The following SLCO3A1 variants were observed in gnomAD, a reference collection of about 807,000 sequenced individuals.
The protein encoded by SLCO3A1 is PGE1 transporter.
Under a neutral mutation model 63.1 loss-of-function variants are expected in SLCO3A1, and 27 were observed. The observed-to-expected ratio is 0.43, with a 90% CI of 0.32 to 0.59. The LOEUF (loss-of-function observed/expected upper bound fraction) is 0.59, where lower values mean the gene tolerates loss of function less well. Among genes scored for constraint, SLCO3A1 ranks in the 20% least tolerant of loss-of-function variants. The pLI, the probability that SLCO3A1 is intolerant of heterozygous loss-of-function variation, is 0.09. For missense variants in SLCO3A1, 773 were observed against 945.8 expected (o/e 0.82, Z 2.40); for synonymous variants, 473 against 409.9 (o/e 1.15, Z -1.86).
chr15:92,132,941 A>C (rs2048013902), intron 7 of SLCO3A1, among the ~76,000 whole-genome samples: 1 of 146,038 alleles, frequency 6.8e-6, no homozygotes, highest in South Asian at 2.2e-4. Context: ...ATTTTGGAGT[A>C]AGATCCATGC....
In SLCO3A1 at chr15:91,895,997, G is replaced by C. The variant is rs551885616; in HGVS notation, c.181-19996G>C. On this transcript the variant is annotated intron_variant, in intron 1 of 9. Coordinates refer to ENST00000318445, the MANE Select transcript of SLCO3A1 (RefSeq NM_013272.4). ...CCAGTAGGAAGCTATTCAGTTAAAA[G>C]CACTCAACCTGTTTGTCATTTTGCT... Among the ~76,000 whole-genome samples the C allele has an allele frequency of 5.9e-5, 9 of 152,278 alleles. No individual in the cohort carries two copies. The South Asian group carries it at 1.9e-3, about 32-fold the overall frequency.
intron 1 of SLCO3A1, among the ~76,000 whole-genome samples, chr15:91,867,560 T>C (rs1174814765): frequency 1.3e-5 from 2 of 152,122 alleles, no homozygotes. Flanking sequence ...GATGTATCAG[T>C]TCTGGATAAC....
chr15:91,928,889 T>G (rs1477346645), intron 2 of SLCO3A1, among the ~76,000 whole-genome samples: 1 of 152,214 alleles, frequency 6.6e-6, no homozygotes, highest in East Asian at 1.9e-4. Context: ...TGGTATACAT[T>G]CACTGCACTT....
chr15:92,125,984 C>T (rs1405177772), intron 5 of SLCO3A1, 77 bp from the exon 6 acceptor site: 1 of 1,293,464 alleles, frequency 7.7e-7, no homozygotes, highest in Non-Finnish European at 1.1e-6. Flanking sequence ...GACTCAGCCT[C>T]AGGCCTGCTG....
rs1476932294 is a variant in SLCO3A1 at position 91,954,094 on chromosome 15, G to A, written c.646+37636G>A. Among the ~76,000 whole-genome samples, 1 of 152,322 alleles carries A rather than the reference G, an allele frequency of 6.6e-6. No individual in the cohort carries two copies. The highest frequency in any genetic ancestry group is 1.9e-4 in the East Asian group (1 of 5,180). On this transcript the variant is annotated intron_variant, in intron 2 of 9. Coordinates refer to ENST00000318445, the MANE Select transcript of SLCO3A1 (RefSeq NM_013272.4). This position sits in a 1 kb window ranked among gnomAD's most constrained non-coding sequence, Gnocchi z 4.7. ...CATGGGCGATGTCTTCACAGAGCAT[G>A]TAGAAACCCCCACTCATGAGGGAAA...
chr15:92,114,739 A>G (rs1047443777), intron 4 of SLCO3A1, among the ~76,000 whole-genome samples: 6 of 152,022 alleles, frequency 3.9e-5, no homozygotes, highest in African/African-American at 1.5e-4. Context: ...GAAGCTCCTC[A>G]TGGCAACTCA....
At chr15:91,903,123 G>C (rs927161984) in intron 1 of SLCO3A1, among the ~76,000 whole-genome samples, 19 of 152,174 alleles carry the variant, frequency 1.2e-4, no homozygotes, top group African/African-American at 4.6e-4. Flanking sequence ...CACGTAGTCA[G>C]CTCATTGGAT....
At chr15:91,895,716 A>T (rs758038634) in intron 1 of SLCO3A1, among the ~76,000 whole-genome samples, 7 of 152,322 alleles carry the variant, frequency 4.6e-5, no homozygotes, top group Non-Finnish European at 8.8e-5. Flanking sequence ...CAGCCTAAAC[A>T]CTTAGGGTTA....
chr15:91,941,553 T>C lies in SLCO3A1; in HGVS notation c.646+25095T>C, dbSNP rs1285120599. On this transcript the variant is annotated intron_variant, in intron 2 of 9. Transcript: ENST00000318445. The surrounding 1 kb of genome is among the most constrained non-coding windows in gnomAD (Gnocchi z 4.4). ...GAGCCTCACTTTCTTGGCAATTAGA[T>C]GAACCAGAGGTTTATTTCACTCAGT... 2.2e-6 allele frequency: 1 copy of C among 455,910 alleles called. No homozygotes were observed. The highest frequency in any genetic ancestry group is 2.0e-5 in the African/African-American group (1 of 50,070). 28.2% of individuals were successfully genotyped at this position (455,910 alleles called of 1,614,324 possible). A position where few individuals can be genotyped will look rare whatever the true frequency, so the allele number is the denominator to read the frequency against.
intron 1 of SLCO3A1, among the ~76,000 whole-genome samples, chr15:91,915,694 G>C (rs1898631366): frequency 1.3e-5 from 2 of 152,122 alleles, no homozygotes; most frequent in African/African-American, 4.8e-5. Context: ...TGGGGGTGGG[G>C]AATGCAGTGT....
chr15:92,160,816 A>G (rs553336881), intron 9 of SLCO3A1, among the ~76,000 whole-genome samples: 37 of 152,286 alleles, frequency 2.4e-4, no homozygotes, highest in Admixed American at 1.2e-3. Flanking sequence ...TGCTTCCTTC[A>G]TTAAGCCTTC....
At position 91,916,276 on chromosome 15, in the gene SLCO3A1, C is replaced by T. The variant is rs752631809; in HGVS notation, c.464C>T (p.Ser155Leu). 1.9e-5 allele frequency: 30 copies of T among 1,551,560 alleles called. No homozygotes were observed. The highest frequency in any genetic ancestry group is 1.7e-4 in the Middle Eastern group (1 of 6,020). Residue 155 changes from serine (S) to leucine (L), a missense_variant, in exon 2 of 10, where the codon TCG becomes TTG. Around this residue, in one of 3 missense-constraint regions of SLCO3A1, gnomAD observed 565 missense variants for 749.8 expected, o/e 0.75. Coordinates refer to ENST00000318445, the MANE Select transcript of SLCO3A1 (RefSeq NM_013272.4). The surrounding 1 kb of genome is among the most constrained non-coding windows in gnomAD (Gnocchi z 6.2). ...EGRDVCAANG[S>L]GGDEGPDPDL... ...CGCGACGTCTGCGCAGCCAACGGCTCGGGCGGCGACGAGGGGCCCGACCCC... is the reference window on the plus strand; with the variant it reads ...CGCGACGTCTGCGCAGCCAACGGCTTGGGCGGCGACGAGGGGCCCGACCCC...
At chr15:92,073,317 C>T (rs1250275805) in intron 2 of SLCO3A1, among the ~76,000 whole-genome samples, 2 of 152,202 alleles carry the variant, frequency 1.3e-5, no homozygotes, top group Admixed American at 1.3e-4. Flanking sequence ...ACTCTATCCT[C>T]ATCCCACGAC....
exon 11 of SLCO3A1, chr15:92,171,824 T>A: frequency 1.3e-6 from 2 of 1,551,564 alleles, no homozygotes; most frequent in Non-Finnish European, 1.7e-6. Context: ...CTGCCCCGAA[T>A]CACATTCACC....
intron 2 of SLCO3A1, among the ~76,000 whole-genome samples, chr15:91,974,281 T>C (rs1567046353): frequency 6.7e-6 from 1 of 149,226 alleles, no homozygotes; most frequent in Non-Finnish European, 1.5e-5. Flanking sequence ...ATTATTATTA[T>C]TATTATTATT....
intron 1 of SLCO3A1, among the ~76,000 whole-genome samples, chr15:91,903,536 G>A (rs747488496): frequency 6.6e-6 from 1 of 152,168 alleles, no homozygotes; most frequent in South Asian, 2.1e-4. Context: ...GGGGTCTTAT[G>A]GTGTGTACTC....
At chr15:91,881,322 A>G (rs1460095539) in intron 1 of SLCO3A1, among the ~76,000 whole-genome samples, 2 of 151,760 alleles carry the variant, frequency 1.3e-5, no homozygotes, top group Non-Finnish European at 2.9e-5. Flanking sequence ...GGGATTTTCT[A>G]ACTGGTCATG....
chr15:91,940,028 G>A (rs1379038401), intron 2 of SLCO3A1, among the ~76,000 whole-genome samples: 1 of 152,066 alleles, frequency 6.6e-6, no homozygotes, highest in African/African-American at 2.4e-5. Context: ...CATTTGCACC[G>A]GGAGCTCTCA....
At position 91,854,009 on chromosome 15, in the gene SLCO3A1, C is replaced by A; in HGVS notation, c.101C>A (p.Ser34Tyr). 1 of 1,545,124 alleles carries A rather than the reference C, an allele frequency of 6.5e-7. No individual in the cohort carries two copies. Among genetic ancestry groups the A allele is most frequent in the Non-Finnish European group, 8.7e-7 (1 of 1,144,866 alleles). ...AACAAGAAAAAGAAAAAGAAGGTGTCCTGCTTTTCCAACATCAAGATCTTC... is the reference window on the plus strand; with the variant it reads ...AACAAGAAAAAGAAAAAGAAGGTGTACTGCTTTTCCAACATCAAGATCTTC... ...QRNKKKKKKV[S>Y]CFSNIKIFLV... The change falls in exon 1 of 10, where the codon TCC becomes TAC. Residue 34 changes from serine to tyrosine, a missense_variant. Ser to Tyr is a moderately radical substitution (Grantham distance 144, BLOSUM62 -2). Transcript: ENST00000318445. This position sits in a 1 kb window ranked among gnomAD's most constrained non-coding sequence, Gnocchi z 6.4.
Sources: gnomAD v4.1 joint callset for allele counts (sites outside exome capture counted in the v4.1 genomes callset) on GRCh38, gnomAD v4.1.1 for gene constraint, gnomAD v4.1.1 regional missense constraint, Gnocchi (gnomAD v3.1) non-coding constraint, MANE v1.5 for transcripts, NCBI Gene and HGNC (gene_info 2026-07-23, HGNC 2026-07-21) for gene names.